Variants in SPINK6 observed in about 807,000 individuals in gnomAD.
SPINK6 encodes the protein serine protease inhibitor Kazal-type 6.
Under a neutral mutation model 11.7 loss-of-function variants are expected in SPINK6, and 13 were observed. The ratio of observed to expected loss-of-function variants is 1.11; its 90% CI spans 0.72 to 1.76. The LOEUF (loss-of-function observed/expected upper bound fraction) is 1.76, where lower values mean the gene tolerates loss of function less well. SPINK6 is among the 40% of genes most tolerant of loss of function. SPINK6 has a pLI of 0.00. For synonymous variants in SPINK6, 21 were observed against 31.9 expected, an observed-to-expected ratio of 0.66 and a Z score of 1.15; for missense variants, 98 against 93.7, an observed-to-expected ratio of 1.05 and a Z score of -0.19.
chr5:148,202,827 T>C (rs1258336403), upstream of SPINK6: 2 of 345,502 alleles, frequency 5.8e-6, no homozygotes, highest in East Asian at 9.4e-5. Flanking sequence ...GCCGGGAGGA[T>C]GTATTGGTTG....
chr5:148,209,588 T>C (rs528836480), intron 2 of SPINK6, among the ~76,000 whole-genome samples: 159 of 152,232 alleles, frequency 1.0e-3, no homozygotes, highest in South Asian at 2.1e-3. Flanking sequence ...GTTTAGAGGC[T>C]ATCTAAAATT....
chr5:148,208,084 A>G (rs530681723), intron 2 of SPINK6, among the ~76,000 whole-genome samples: 1 of 152,346 alleles, frequency 6.6e-6, no homozygotes, highest in African/African-American at 2.4e-5. Context: ...CAGATAATAT[A>G]GATGAGTGGA....
At chr5:148,205,357 C>G (rs1005643781) in intron 1 of SPINK6, among the ~76,000 whole-genome samples, 1 of 152,116 alleles carries the variant, frequency 6.6e-6, no homozygotes, top group African/African-American at 2.4e-5. Flanking sequence ...TTTTAAACCA[C>G]TGAACTAATT....
chr5:148,214,357 T>C (rs1755655080), intron 3 of SPINK6, among the ~76,000 whole-genome samples: 1 of 152,216 alleles, frequency 6.6e-6, no homozygotes, highest in Non-Finnish European at 1.5e-5. Context: ...CATTTGTTTC[T>C]AATTAGAATT....
At chr5:148,210,872 G>A (rs961504259) in intron 2 of SPINK6, among the ~76,000 whole-genome samples, 1 of 151,518 alleles carries the variant, frequency 6.6e-6, no homozygotes, top group South Asian at 2.1e-4. Context: ...AAGGGTGAGG[G>A]GAAGCCAAGC....
intron 2 of SPINK6, among the ~76,000 whole-genome samples, chr5:148,213,320 T>C (rs938829207): frequency 6.6e-6 from 1 of 152,054 alleles, no homozygotes; most frequent in African/African-American, 2.4e-5. Context: ...CATGCCATTC[T>C]CCTGCCTCAG....
At chr5:148,212,556 T>TTATATAA (rs1264254832) in intron 2 of SPINK6, among the ~76,000 whole-genome samples, 3 of 57,992 alleles carry the variant, frequency 5.2e-5, no homozygotes, top group Non-Finnish European at 1.1e-4. Flanking sequence ...ATTTATATAT[T>TTATATAA]TATATAATAT....
chr5:148,207,509 G>C (rs1221319986), intron 2 of SPINK6, among the ~76,000 whole-genome samples: 2 of 152,038 alleles, frequency 1.3e-5, no homozygotes, highest in Admixed American at 1.3e-4. Flanking sequence ...GGCCCAAAAA[G>C]GGAGAAGGAA....
chr5:148,205,919 T>G (rs1755491779), intron 1 of SPINK6, 117 bp from the exon 2 acceptor site: 1 of 1,064,736 alleles, frequency 9.4e-7, no homozygotes, highest in Non-Finnish European at 1.4e-6. Context: ...AAAAATACGA[T>G]GACTTTTTAA....
At position 148,203,278 on chromosome 5, in the gene SPINK6, A is replaced by G. The variant is rs1393676361; in HGVS notation, c.58+124A>G. 4.5e-6 allele frequency: 3 copies of G among 664,966 alleles called. No individual in the cohort carries two copies. The East Asian group carries it at 8.0e-5, about 18-fold the overall frequency. The allele number at this position is 664,966 out of a possible 1,614,324, so 41.2% of individuals were successfully genotyped here. A position where few individuals can be genotyped will look rare whatever the true frequency, so the allele number is the denominator to read the frequency against. On this transcript the variant is annotated intron_variant, in intron 1 of 3. Coordinates refer to ENST00000325630, the MANE Select transcript of SPINK6 (RefSeq NM_205841.4). ...AAGACCAATTCTGAGAGATTATCAT[A>G]ATGATGATAATGATTGTGATGACGA...
intron 2 of SPINK6, among the ~76,000 whole-genome samples, chr5:148,210,137 C>T (rs180924362): frequency 1.4e-5 from 2 of 145,742 alleles, no homozygotes; most frequent in Admixed American, 6.9e-5. Context: ...TTTATTTCTG[C>T]ATACATATGT....
chr5:148,214,992 C>G lies in SPINK6; in HGVS notation c.*42C>G, dbSNP rs1463134558. ...CTTGGTGACTTGCCAGCTTTTGCAG[C>G]CTTCTTTTCTCACTTCTGCTTATAC... is the stretch of plus-strand genomic sequence containing the variant. On this transcript the variant is annotated 3_prime_UTR_variant, in exon 4 of 4. Transcript: ENST00000325630. The G allele has an allele frequency of 7.5e-6, 12 of 1,590,836 alleles. No individual in the cohort carries two copies. Among genetic ancestry groups the G allele is most frequent in the East Asian group, 2.2e-5 (1 of 44,700 alleles).
intron 2 of SPINK6, among the ~76,000 whole-genome samples, chr5:148,208,061 T>C (rs1373772574): frequency 1.3e-5 from 2 of 152,174 alleles, no homozygotes; most frequent in Non-Finnish European, 2.9e-5. Context: ...TTGGGAAGCA[T>C]TGGCTCTGGA....
At chr5:148,210,933 C>T (rs941128538) in intron 2 of SPINK6, among the ~76,000 whole-genome samples, 13 of 151,980 alleles carry the variant, frequency 8.6e-5, no homozygotes, top group African/African-American at 2.2e-4. Flanking sequence ...ATTATTTAAC[C>T]ACATAGGTAG....
chr5:148,212,563 A>T (rs10037611), intron 2 of SPINK6, among the ~76,000 whole-genome samples: 3 of 67,276 alleles, frequency 4.5e-5, no homozygotes, highest in East Asian at 7.1e-4. Context: ...TATTTATATA[A>T]TATATATTAT....
Position 148,214,894 on chromosome 5 carries a change from C to T in SPINK6, c.198-11C>T. 1 of 1,612,464 alleles carries T rather than the reference C, an allele frequency of 6.2e-7. No individual in the cohort carries two copies. Among genetic ancestry groups the T allele is most frequent in the Middle Eastern group, 1.7e-4 (1 of 6,054 alleles). The stretch of plus-strand genomic sequence containing the variant: ...TTGCACTGAGTATATATTTGTCTTT[C>T]TTTTTTGTAGGAAAAGTGGTGGAAA... On this transcript the variant is annotated splice_polypyrimidine_tract_variant and intron_variant, in intron 3 of 3. Transcript: ENST00000325630.
At chr5:148,213,040 C>T (rs1057265769) in intron 2 of SPINK6, among the ~76,000 whole-genome samples, 1 of 149,708 alleles carries the variant, frequency 6.7e-6, no homozygotes, top group Non-Finnish European at 1.5e-5. Flanking sequence ...ACTTGATATA[C>T]TTTATATATA....
chr5:148,203,127 T>C lies in SPINK6; in HGVS notation c.31T>C (p.Ser11Pro), dbSNP rs1254691179. The change falls in exon 1 of 4, where the codon TCT becomes CCT. Residue 11 changes from serine (S) to proline (P), a missense_variant. Coordinates refer to ENST00000325630, the MANE Select transcript of SPINK6 (RefSeq NM_205841.4). MKLSGMFLLL[S>P]LALFCFLTGV... ...ACTGTCAGGCATGTTTCTGCTCCTC[T>C]CTCTGGCTCTTTTCTGCTTTTTAAC... is the stretch of plus-strand genomic sequence containing the variant. 1.9e-6 allele frequency: 3 copies of C among 1,612,638 alleles called. No individual in the cohort carries two copies. Among genetic ancestry groups the C allele is most frequent in the Non-Finnish European group, 2.5e-6 (3 of 1,179,708 alleles).
Position 148,203,058 on chromosome 5 carries a change from G to A in SPINK6, c.-39G>A, listed in dbSNP as rs776762690. Reference sequence around the variant, plus strand: ...ATTGTCTTGACAGAGAACCTCAGCTGGACAAAGCAGCCTTGATCTGAGTGA... The same window carrying A: ...ATTGTCTTGACAGAGAACCTCAGCTAGACAAAGCAGCCTTGATCTGAGTGA... On this transcript the variant is annotated 5_prime_UTR_variant, in exon 1 of 4. Coordinates refer to ENST00000325630, the MANE Select transcript of SPINK6 (RefSeq NM_205841.4). 1.3e-6 allele frequency: 2 copies of A among 1,569,058 alleles called. No individual in the cohort carries two copies. Among genetic ancestry groups the A allele is most frequent in the South Asian group, 2.3e-5 (2 of 85,282 alleles).
Sources: gnomAD v4.1 joint callset for allele counts (sites outside exome capture counted in the v4.1 genomes callset) on GRCh38, gnomAD v4.1.1 for gene constraint, MANE v1.5 for transcripts, NCBI Gene and HGNC (gene_info 2026-07-23, HGNC 2026-07-21) for gene names.